The following ERG variants were observed in gnomAD, a reference collection of about 807,000 sequenced individuals.
ERG encodes ETS transcription factor ERG, also known as transcriptional regulator ERG.
A neutral mutation model predicts 55.3 loss-of-function variants in ERG; 9 were observed. The observed-to-expected ratio is 0.16, with a 90% confidence interval of 0.10 to 0.28. The LOEUF is 0.28. Among genes scored for constraint, ERG ranks in the 10% least tolerant of loss-of-function variants. ERG has a pLI of 1.00. For synonymous variants in ERG, 223 were observed against 237.3 expected (o/e 0.94, Z 0.55); for missense variants, 434 against 631.6 (o/e 0.69, Z 3.35).
At chr21:38,377,659 C>A (rs906166660), downstream of ERG, among the ~76,000 whole-genome samples, 4 of 152,202 alleles carry the variant, frequency 2.6e-5, no homozygotes, top group Admixed American at 1.3e-4. Flanking sequence ...ACACCAAATT[C>A]TTTCTTGTAT....
At chr21:38,592,265 C>T (rs750241681) in intron 1 of ERG, among the ~76,000 whole-genome samples, 9 of 152,198 alleles carry the variant, frequency 5.9e-5, no homozygotes, top group Non-Finnish European at 8.8e-5. Flanking sequence ...GCATCATTGC[C>T]GGCTCTAGCG....
intron 1 of ERG, among the ~76,000 whole-genome samples, chr21:38,590,502 T>C (rs1568935132): frequency 6.6e-6 from 1 of 152,270 alleles, no homozygotes; most frequent in Non-Finnish European, 1.5e-5. Context: ...ATTTCACTGA[T>C]AATGTTGTCT....
chr21:38,510,650 T>A (rs1240274618), intron 2 of ERG, among the ~76,000 whole-genome samples: 1 of 152,186 alleles, frequency 6.6e-6, no homozygotes, highest in East Asian at 1.9e-4. Context: ...CAAAACCAGA[T>A]GTGAAGTATC....
chr21:38,392,296 C>T (rs1988008766), intron 7 of ERG, 80 bp downstream of exon 7: 1 of 1,230,082 alleles, frequency 8.1e-7, no homozygotes, highest in East Asian at 2.5e-5. Context: ...AGATTAACCA[C>T]AGAAATTATT....
intron 2 of ERG, among the ~76,000 whole-genome samples, chr21:38,557,666 A>T (rs905957861): frequency 1.3e-5 from 2 of 152,228 alleles, no homozygotes. Context: ...TAAGAGTGAC[A>T]ATTTAGATGT....
At chr21:38,453,147 A>T (rs2058956760) in intron 1 of ERG, among the ~76,000 whole-genome samples, 1 of 152,254 alleles carries the variant, frequency 6.6e-6, no homozygotes, top group Non-Finnish European at 1.5e-5. Context: ...GTCTGCAGTC[A>T]TACTACCAAA....
chr21:38,609,851 T>A (rs1296892699), intron 1 of ERG, among the ~76,000 whole-genome samples: 2 of 152,224 alleles, frequency 1.3e-5, no homozygotes, highest in Non-Finnish European at 2.9e-5. Flanking sequence ...TTGTAAGCTG[T>A]GTTTCTTCAA....
In ERG at chr21:38,419,516, T is replaced by TAA. The variant is rs1555896086; in HGVS notation, c.388+3893_388+3894insTT. On this transcript the variant is annotated intron_variant, in intron 3 of 9. Transcript: ENST00000288319. ...TAAATGTTGCAATTAAAAATACACA[T>TAA]ACACACACACACACGTGCGTGTAAA... Among the ~76,000 whole-genome samples, 33 of 150,830 alleles carry TAA rather than the reference T, an allele frequency of 2.2e-4. No homozygotes were observed. In the East Asian group the frequency reaches 4.9e-3, roughly 22 times the overall value.
chr21:38,583,364 G>T (rs1244520241), intron 1 of ERG, among the ~76,000 whole-genome samples: 20 of 152,316 alleles, frequency 1.3e-4, no homozygotes, highest in Admixed American at 1.2e-3. Context: ...ACCTAAAGGG[G>T]AGCACCGCCC....
At chr21:38,495,444 T>C (rs1036838970) in intron 1 of ERG, among the ~76,000 whole-genome samples, 1 of 152,250 alleles carries the variant, frequency 6.6e-6, no homozygotes, top group African/African-American at 2.4e-5. Context: ...ATGTCCTGTC[T>C]GATTTTTAAG....
intron 3 of ERG, among the ~76,000 whole-genome samples, chr21:38,412,886 G>A (rs1305028747): frequency 1.3e-5 from 2 of 152,104 alleles, no homozygotes; most frequent in Non-Finnish European, 2.9e-5. Context: ...TCTGTACAGC[G>A]TAGGTTGAAG....
At chr21:38,419,550 C>G (rs1053454319) in intron 3 of ERG, among the ~76,000 whole-genome samples, 1 of 151,684 alleles carries the variant, frequency 6.6e-6, no homozygotes, top group Non-Finnish European at 1.5e-5. Flanking sequence ...AACCTCACTC[C>G]TGGTTTTACT....
chr21:38,456,343 A>G (rs986710120), intron 1 of ERG, among the ~76,000 whole-genome samples: 2 of 152,198 alleles, frequency 1.3e-5, no homozygotes, highest in African/African-American at 4.8e-5. Context: ...CCTGAGAGCT[A>G]GTGTTATGTT....
At chr21:38,516,488 C>T (rs1457370822) in intron 2 of ERG, among the ~76,000 whole-genome samples, 1 of 151,832 alleles carries the variant, frequency 6.6e-6, no homozygotes, top group Non-Finnish European at 1.5e-5. Flanking sequence ...TGAAAAGACA[C>T]TGCATGGTCA....
intron 1 of ERG, among the ~76,000 whole-genome samples, chr21:38,658,005 T>C (rs2060529685): frequency 6.6e-6 from 1 of 152,222 alleles, no homozygotes; most frequent in African/African-American, 2.4e-5. Flanking sequence ...TCAGCCTATT[T>C]TTCTTACAAA....
At chr21:38,373,535 T>C in the ERG span, among the ~76,000 whole-genome samples, 2 of 152,198 alleles carry the variant, frequency 1.3e-5, no homozygotes, top group African/African-American at 4.8e-5. Flanking sequence ...TGTAGTACCA[T>C]TGAGAAAGTA....
At chr21:38,580,331 A>G (rs1399825849) in intron 1 of ERG, among the ~76,000 whole-genome samples, 1 of 152,190 alleles carries the variant, frequency 6.6e-6, no homozygotes, top group Non-Finnish European at 1.5e-5. Flanking sequence ...TTTTTTAAAG[A>G]GTACTTCTAA....
At chr21:38,426,344 A>T (rs149833680) in intron 2 of ERG, among the ~76,000 whole-genome samples, 3 of 152,208 alleles carry the variant, frequency 2.0e-5, no homozygotes, top group Non-Finnish European at 4.4e-5. Flanking sequence ...GGAAAATTCC[A>T]TCAGTTGAGT....
chr21:38,532,985 T>A (rs573510173), intron 2 of ERG, among the ~76,000 whole-genome samples: 1 of 152,366 alleles, frequency 6.6e-6, no homozygotes, highest in Admixed American at 6.5e-5. Flanking sequence ...TAGCTCTTTT[T>A]CACCTCTGTG....
Sources: allele counts gnomAD v4.1 joint callset (sites outside exome capture counted in the v4.1 genomes callset), GRCh38; gene constraint gnomAD v4.1.1; transcripts MANE v1.5; gene names NCBI Gene and HGNC (gene_info 2026-07-23, HGNC 2026-07-21).